IL7: variants seen among roughly 807,000 people sequenced by gnomAD.
IL7 encodes interleukin 7.
In IL7, 3 loss-of-function variants were observed where a neutral mutation model predicts 21.6. The ratio of observed to expected loss-of-function variants is 0.14; its 90% CI spans 0.06 to 0.36. The LOEUF (loss-of-function observed/expected upper bound fraction) is 0.36. IL7 is among the 10% of genes least tolerant of loss of function. The pLI is 1.00. For missense variants in IL7, 175 were observed against 200.2 expected, an observed-to-expected ratio of 0.87 and a Z score of 0.76; for synonymous variants, 62 against 68.1, an observed-to-expected ratio of 0.91 and a Z score of 0.44.
intron 3 of IL7, among the ~76,000 whole-genome samples, chr8:78,688,107 A>G (rs1810086919): frequency 6.6e-6 from 1 of 151,494 alleles, no homozygotes; most frequent in Non-Finnish European, 1.5e-5. Flanking sequence ...GTTCTAGAGT[A>G]TTAATAATTA....
intron 3 of IL7, among the ~76,000 whole-genome samples, chr8:78,739,001 T>A (rs1401815168): frequency 6.6e-6 from 1 of 152,200 alleles, no homozygotes; most frequent in African/African-American, 2.4e-5. Context: ...AAGAGGTATG[T>A]GTGGTTTTTT....
chr8:78,728,387 T>C (rs543710063), downstream of IL7, among the ~76,000 whole-genome samples: 3 of 152,036 alleles, frequency 2.0e-5, no homozygotes, highest in East Asian at 5.8e-4. Context: ...TATAAAGCCA[T>C]AGTAATCAAA....
chr8:78,793,443 A>T (rs940956936), intron 2 of IL7, among the ~76,000 whole-genome samples: 1 of 152,170 alleles, frequency 6.6e-6, no homozygotes, highest in Non-Finnish European at 1.5e-5. Flanking sequence ...AGCATATAAA[A>T]GTTATGTTTA....
chr8:78,783,498 G>A (rs934851817), intron 2 of IL7, among the ~76,000 whole-genome samples: 4 of 152,082 alleles, frequency 2.6e-5, no homozygotes, highest in Admixed American at 6.6e-5. Flanking sequence ...TGTTATTCTC[G>A]GTGGAGGCCT....
rs550075145 is a variant in IL7 at position 78,678,771 on chromosome 8, C to T, written n.274-2667G>A. 9.3e-6 allele frequency: 7 copies of T among 751,000 alleles called. No homozygotes were observed. In the Admixed American group the frequency reaches 2.0e-4, roughly 22 times the overall value. 46.5% of individuals were successfully genotyped at this position (751,000 alleles called of 1,614,324 possible). A position where few individuals can be genotyped will look rare whatever the true frequency, so the allele number is the denominator to read the frequency against. On this transcript the variant is annotated intron_variant and non_coding_transcript_variant, in intron 4 of 4. Coordinates refer to the IL7 transcript ENST00000523959. ...CTGTTACAGTAAGGTTAAGAATAAA[C>T]ACAATTATCTGCTACATTAAGATTA...
At chr8:78,785,580 A>T (rs1813483840) in intron 2 of IL7, among the ~76,000 whole-genome samples, 1 of 152,176 alleles carries the variant, frequency 6.6e-6, no homozygotes, top group Admixed American at 6.6e-5. Context: ...CTGTTGTAAA[A>T]TTCATGTGTA....
At chr8:78,794,137 G>C (rs1813781325) in intron 2 of IL7, among the ~76,000 whole-genome samples, 1 of 152,026 alleles carries the variant, frequency 6.6e-6, no homozygotes. Flanking sequence ...CTGTTAATGT[G>C]GATATTTTGA....
intron 3 of IL7, among the ~76,000 whole-genome samples, chr8:78,702,634 T>C (rs552091758): frequency 6.6e-6 from 1 of 152,304 alleles, no homozygotes; most frequent in Admixed American, 6.5e-5. Flanking sequence ...GCCTTAGCTG[T>C]GTTCTAGAGA....
intron 2 of IL7, among the ~76,000 whole-genome samples, chr8:78,742,061 C>T (rs984152292): frequency 3.3e-5 from 5 of 152,026 alleles, no homozygotes; most frequent in Non-Finnish European, 7.4e-5. Flanking sequence ...TGCCTGTAAT[C>T]CCAGCCCTTT....
At chr8:78,697,872 G>A (rs1047180132) in intron 3 of IL7, among the ~76,000 whole-genome samples, 22 of 152,018 alleles carry the variant, frequency 1.4e-4, no homozygotes, top group African/African-American at 5.1e-4. Context: ...TAGAGATGGG[G>A]TTTCACCAAG....
chr8:78,771,716 C>T (rs1284287458), intron 2 of IL7, among the ~76,000 whole-genome samples: 1 of 152,084 alleles, frequency 6.6e-6, no homozygotes, highest in African/African-American at 2.4e-5. Context: ...TGAAAGCATA[C>T]TGACACAAAT....
intron 3 of IL7, among the ~76,000 whole-genome samples, chr8:78,700,598 G>A (rs776082403): frequency 1.1e-4 from 16 of 152,080 alleles, no homozygotes; most frequent in Non-Finnish European, 1.8e-4. Flanking sequence ...TGCCCTGAAT[G>A]GTATTGGCTA....
rs77754348 is a variant in IL7 at position 78,756,984 on chromosome 8, T to G, written c.148-16902A>C. Among the ~76,000 whole-genome samples the G allele has an allele frequency of 9.6e-4, 146 of 152,024 alleles. 1 individual carries two copies. The East Asian group carries it at 0.014, about 14-fold the overall frequency. On this transcript the variant is annotated intron_variant, in intron 2 of 5. Coordinates refer to ENST00000263851, the MANE Select transcript of IL7 (RefSeq NM_000880.4). ...TCCTTGTGGTGCACTGTTAGGATGT[T>G]TATTTGAAATCTTTCCACTTTTTTG...
chr8:78,721,484 CT>C (rs1384548466), intron 3 of IL7: 1 of 152,042 alleles, frequency 6.6e-6, no homozygotes, highest in Non-Finnish European at 1.5e-5. Context: ...ATAATTCCAG[CT>C]ATTCAATCTT....
chr8:78,760,049 G>A (rs1812496722), intron 2 of IL7: 28 of 1,243,904 alleles, frequency 2.3e-5, no homozygotes, highest in Non-Finnish European at 3.0e-5. Flanking sequence ...GAGTCCTATA[G>A]GCAAAGATAT....
At chr8:78,696,702 G>T (rs891498529) in intron 3 of IL7, among the ~76,000 whole-genome samples, 1 of 152,170 alleles carries the variant, frequency 6.6e-6, no homozygotes, top group African/African-American at 2.4e-5. Context: ...GGTGAGGATC[G>T]TGAAGCCAGA....
chr8:78,716,931 C>T (rs1811125619), downstream of IL7, among the ~76,000 whole-genome samples: 1 of 152,086 alleles, frequency 6.6e-6, no homozygotes, highest in African/African-American at 2.4e-5. Flanking sequence ...GACATGCTTG[C>T]TTCCCCTTTG....
intron 4 of IL7, among the ~76,000 whole-genome samples, chr8:78,685,724 A>G (rs1585992371): frequency 6.6e-6 from 1 of 152,148 alleles, no homozygotes; most frequent in Non-Finnish European, 1.5e-5. Context: ...AGTGAGGACT[A>G]TTTTTCATAT....
At chr8:78,723,207 A>T (rs981762415) in intron 3 of IL7, among the ~76,000 whole-genome samples, 6 of 151,418 alleles carry the variant, frequency 4.0e-5, no homozygotes, top group Non-Finnish European at 8.8e-5. Flanking sequence ...TAGAGAAGCA[A>T]TTACAATCTT....
Sources: allele counts gnomAD v4.1 joint callset (sites outside exome capture counted in the v4.1 genomes callset), GRCh38; gene constraint gnomAD v4.1.1; transcripts MANE v1.5; gene names NCBI Gene and HGNC (gene_info 2026-07-23, HGNC 2026-07-21).